The following ZNF722 variants were observed in gnomAD, a reference collection of about 807,000 sequenced individuals.
ZNF722 encodes zinc finger protein 479 pseudogene.
chr7:63,999,147 C>G, the ZNF722 span: 1 of 930,564 alleles, frequency 1.1e-6, no homozygotes. Flanking sequence ...CTTTTAGTCC[C>G]CTCGAACCGT....
chr7:64,007,513 T>C, the ZNF722 span, among the ~76,000 whole-genome samples: 1 of 152,110 alleles, frequency 6.6e-6, no homozygotes, highest in East Asian at 1.9e-4. Flanking sequence ...GTCCTTGTGA[T>C]AGTTTGCTCA....
chr7:64,001,321 A>T, the ZNF722 span, among the ~76,000 whole-genome samples: 1 of 152,090 alleles, frequency 6.6e-6, no homozygotes, highest in Non-Finnish European at 1.5e-5. Context: ...TTTTGCTCCC[A>T]CTTATAAGTG....
chr7:64,006,446 A>G, the ZNF722 span: 10 of 659,484 alleles, frequency 1.5e-5, no homozygotes, highest in Admixed American at 2.6e-4. Context: ...GGCTCGAGTC[A>G]TTTTTTTCTT....
At chr7:64,000,738 A>G in the ZNF722 span, among the ~76,000 whole-genome samples, 1 of 151,718 alleles carries the variant, frequency 6.6e-6, no homozygotes, top group South Asian at 2.1e-4. Flanking sequence ...GGAATAAGTT[A>G]TCACACCCAG....
At chr7:64,004,254 A>G in the ZNF722 span, among the ~76,000 whole-genome samples, 2 of 149,510 alleles carry the variant, frequency 1.3e-5, no homozygotes, top group Non-Finnish European at 3.0e-5. Context: ...AAAAAAAAAT[A>G]CAAAAATTAG....
chr7:64,015,781 C>T, the ZNF722 span: 1 of 1,609,988 alleles, frequency 6.2e-7, no homozygotes. Context: ...TGCTCCTCAA[C>T]CCTTAAGACA....
the ZNF722 span, chr7:63,998,855 T>A: frequency 1.5e-6 from 2 of 1,299,878 alleles, no homozygotes. Context: ...GGTCCTTTTG[T>A]GCTTCTCTGC....
the ZNF722 span, chr7:64,015,096 A>C: frequency 2.1e-6 from 3 of 1,417,798 alleles, no homozygotes; most frequent in Non-Finnish European, 2.0e-6. Flanking sequence ...CCAAAAAGTA[A>C]TACCAAGAAC....
chr7:64,002,204 G>A, the ZNF722 span, among the ~76,000 whole-genome samples: 4 of 152,056 alleles, frequency 2.6e-5, no homozygotes, highest in Non-Finnish European at 5.9e-5. Flanking sequence ...ATGTCTCGAC[G>A]TTCTTCATTT....
chr7:64,008,815 A>G, the ZNF722 span, among the ~76,000 whole-genome samples: 1 of 152,156 alleles, frequency 6.6e-6, no homozygotes, highest in Non-Finnish European at 1.5e-5. Context: ...ATGGCATTGA[A>G]TCTATAAATT....
the ZNF722 span, chr7:64,015,540 C>T: frequency 6.2e-7 from 1 of 1,613,474 alleles, no homozygotes; most frequent in Non-Finnish European, 8.5e-7. Flanking sequence ...CCTTACTAGA[C>T]ATAAGAGAAT....
chr7:64,004,302 A>C, the ZNF722 span, among the ~76,000 whole-genome samples: 3 of 149,850 alleles, frequency 2.0e-5, no homozygotes, highest in East Asian at 5.9e-4. Flanking sequence ...CCAGCTACTC[A>C]GGAGGATGAG....
the ZNF722 span, among the ~76,000 whole-genome samples, chr7:64,014,874 G>A: frequency 6.6e-6 from 1 of 152,084 alleles, no homozygotes; most frequent in East Asian, 1.9e-4. Flanking sequence ...CTATGATTTT[G>A]TTAGGTTTAT....
the ZNF722 span, among the ~76,000 whole-genome samples, chr7:64,004,392 G>C: frequency 8.3e-6 from 1 of 121,194 alleles, no homozygotes; most frequent in Admixed American, 9.3e-5. Flanking sequence ...CTGGGTGACA[G>C]AGCGAGACTC....
At chr7:64,015,827 A>T in the ZNF722 span, 3 of 1,605,442 alleles carry the variant, frequency 1.9e-6, no homozygotes, top group South Asian at 2.2e-5. Context: ...AACCCTACAA[A>T]TGTGAAGAAT....
the ZNF722 span, among the ~76,000 whole-genome samples, chr7:64,016,450 A>AG: frequency 6.6e-6 from 1 of 152,094 alleles, no homozygotes; most frequent in Non-Finnish European, 1.5e-5. Context: ...AAAAAAAAAA[A>AG]GTGAAAAAAC....
chr7:64,010,988 A>G, the ZNF722 span, among the ~76,000 whole-genome samples: 5 of 151,952 alleles, frequency 3.3e-5, no homozygotes, highest in Non-Finnish European at 5.9e-5. Flanking sequence ...TCCCTTTACC[A>G]TTATGTAATG....
the ZNF722 span, chr7:64,015,133 T>C: frequency 6.3e-6 from 9 of 1,434,448 alleles, no homozygotes; most frequent in South Asian, 8.0e-5. Flanking sequence ...CATGAGAATT[T>C]ACAATTTAAA....
chr7:64,000,435 C>A, the ZNF722 span, among the ~76,000 whole-genome samples: 2 of 22,168 alleles, frequency 9.0e-5, no homozygotes, highest in African/African-American at 2.5e-4. Context: ...CCATGCCCGG[C>A]CTTTTTTTTT....
Sources: gnomAD v4.1 joint callset for allele counts (sites outside exome capture counted in the v4.1 genomes callset) on GRCh38, gnomAD v4.1.1 for gene constraint, MANE v1.5 for transcripts, NCBI Gene and HGNC (gene_info 2026-07-23, HGNC 2026-07-21) for gene names.